Variants in LRRTM4 observed in about 807,000 individuals in gnomAD.
LRRTM4 encodes the protein leucine rich repeat transmembrane neuronal 4, also known as leucine-rich repeat transmembrane neuronal protein 4.
Under a neutral mutation model 47.6 loss-of-function variants are expected in LRRTM4, and 25 were observed. The observed-to-expected ratio is 0.53, with a 90% CI of 0.38 to 0.73. The LOEUF (loss-of-function observed/expected upper bound fraction) is 0.73, where lower values mean the gene tolerates loss of function less well. LRRTM4 is among the 30% of genes least tolerant of loss of function. The pLI is 0.00. For synonymous variants in LRRTM4, 311 were observed against 269.5 expected, an observed-to-expected ratio of 1.15 and a Z score of -1.51; for missense variants, 638 against 713.4, an observed-to-expected ratio of 0.89 and a Z score of 1.20.
intron 3 of LRRTM4, among the ~76,000 whole-genome samples, chr2:77,096,875 G>A (rs1670826886): frequency 6.6e-6 from 1 of 151,766 alleles, no homozygotes; most frequent in Non-Finnish European, 1.5e-5. Flanking sequence ...AGATATATCA[G>A]CTATCAACTT....
At chr2:76,840,471 C>G (rs1671639717) in intron 3 of LRRTM4, among the ~76,000 whole-genome samples, 1 of 152,072 alleles carries the variant, frequency 6.6e-6, no homozygotes. Flanking sequence ...AATCATCTGA[C>G]AAGGTCATGA....
intron 3 of LRRTM4, among the ~76,000 whole-genome samples, chr2:77,344,917 C>T (rs1288419999): frequency 6.6e-6 from 1 of 151,534 alleles, no homozygotes; most frequent in Middle Eastern, 3.4e-3. Context: ...TACCAGATTT[C>T]TTTTCTCATG....
At chr2:77,213,135 A>G (rs939934546) in intron 3 of LRRTM4, among the ~76,000 whole-genome samples, 5 of 152,218 alleles carry the variant, frequency 3.3e-5, no homozygotes, top group African/African-American at 1.2e-4. Flanking sequence ...ACCAGGAAAC[A>G]AAAGAGACTG....
intron 3 of LRRTM4, among the ~76,000 whole-genome samples, chr2:77,476,341 C>T (rs1677387656): frequency 6.6e-6 from 1 of 151,914 alleles, no homozygotes; most frequent in South Asian, 2.1e-4. Flanking sequence ...CTCATTTATT[C>T]AGAAAATTAT....
At chr2:77,024,026 A>T (rs1193351786) in intron 3 of LRRTM4, among the ~76,000 whole-genome samples, 1 of 152,168 alleles carries the variant, frequency 6.6e-6, no homozygotes. Flanking sequence ...GATCGGGCGC[A>T]AAAGTGCTTT....
intron 3 of LRRTM4, among the ~76,000 whole-genome samples, chr2:76,933,536 T>A (rs1288653240): frequency 6.6e-6 from 1 of 152,156 alleles, no homozygotes; most frequent in South Asian, 2.1e-4. Context: ...TTTAGAATTG[T>A]TTACTAAAGT....
At chr2:77,165,701 A>G (rs1450111726) in intron 3 of LRRTM4, among the ~76,000 whole-genome samples, 1 of 152,238 alleles carries the variant, frequency 6.6e-6, no homozygotes, top group Non-Finnish European at 1.5e-5. Flanking sequence ...AGAACCAAAG[A>G]CAAAAACCAC....
At chr2:76,886,870 T>A (rs1673094702) in intron 3 of LRRTM4, among the ~76,000 whole-genome samples, 2 of 152,010 alleles carry the variant, frequency 1.3e-5, no homozygotes, top group Admixed American at 6.6e-5. Flanking sequence ...TGAGAGGGTA[T>A]GTCTCTAAAT....
intron 3 of LRRTM4, among the ~76,000 whole-genome samples, chr2:76,750,652 C>G (rs1672819910): frequency 6.6e-6 from 1 of 152,120 alleles, no homozygotes; most frequent in Admixed American, 6.5e-5. Context: ...GGGAGTTAAC[C>G]AGTCTTAAAT....
intron 3 of LRRTM4, among the ~76,000 whole-genome samples, chr2:77,374,834 A>G (rs1399946175): frequency 4.6e-5 from 7 of 151,790 alleles, no homozygotes; most frequent in Non-Finnish European, 1.0e-4. Context: ...GTCATCTTAA[A>G]GTGAAAAACT....
intron 3 of LRRTM4, among the ~76,000 whole-genome samples, chr2:77,336,216 GGAGA>G (rs1671161559): frequency 6.8e-6 from 1 of 146,936 alleles, no homozygotes; most frequent in African/African-American, 2.5e-5. Context: ...AGGAAGGAAG[GGAGA>G]AAGGAAAGAA....
chr2:77,346,933 C>T (rs895616546), intron 3 of LRRTM4, among the ~76,000 whole-genome samples: 9 of 151,990 alleles, frequency 5.9e-5, no homozygotes, highest in African/African-American at 9.7e-5. Context: ...GTGTGTGATG[C>T]GACATATTCT....
chr2:77,162,328 C>T (rs1188936810), intron 3 of LRRTM4, among the ~76,000 whole-genome samples: 1 of 152,172 alleles, frequency 6.6e-6, no homozygotes, highest in Non-Finnish European at 1.5e-5. Flanking sequence ...CCAGGAATCT[C>T]GAATTGGGTG....
chr2:76,950,217 G>A (rs1675452319), intron 3 of LRRTM4, among the ~76,000 whole-genome samples: 1 of 151,930 alleles, frequency 6.6e-6, no homozygotes, highest in Admixed American at 6.6e-5. Flanking sequence ...GCAACCACCA[G>A]TTCTGAAAAG....
intron 3 of LRRTM4, among the ~76,000 whole-genome samples, chr2:77,196,786 A>T (rs6547127): frequency 9.2e-5 from 14 of 152,130 alleles, no homozygotes; most frequent in African/African-American, 3.4e-4. Flanking sequence ...TGAATCTAAG[A>T]TCTATTAAAT....
intron 3 of LRRTM4, among the ~76,000 whole-genome samples, chr2:77,055,888 T>C (rs944929423): frequency 1.3e-5 from 2 of 151,442 alleles, no homozygotes; most frequent in Non-Finnish European, 2.9e-5. Flanking sequence ...ACGTCCTTTG[T>C]AGGGACATGG....
chr2:76,962,126 A>G (rs887809851), intron 3 of LRRTM4, among the ~76,000 whole-genome samples: 3 of 151,286 alleles, frequency 2.0e-5, no homozygotes, highest in Non-Finnish European at 4.4e-5. Context: ...TTGGAGTAGT[A>G]AACTATATGT....
chr2:76,785,267 A>T (rs1674611981), intron 3 of LRRTM4, among the ~76,000 whole-genome samples: 1 of 152,162 alleles, frequency 6.6e-6, no homozygotes, highest in African/African-American at 2.4e-5. Flanking sequence ...AATTTTCTCA[A>T]ATGTGGGACT....
intron 3 of LRRTM4, among the ~76,000 whole-genome samples, chr2:77,022,635 C>A (rs538705183): frequency 3.7e-4 from 56 of 152,280 alleles, no homozygotes; most frequent in African/African-American, 1.3e-3. Context: ...AGGCACCATG[C>A]AAGTTTGAAA....
Sources: allele counts gnomAD v4.1 joint callset (sites outside exome capture counted in the v4.1 genomes callset), GRCh38; gene constraint gnomAD v4.1.1; transcripts MANE v1.5; gene names NCBI Gene and HGNC (gene_info 2026-07-23, HGNC 2026-07-21).